PRTG: variants seen among roughly 807,000 people sequenced by gnomAD.
PRTG encodes the protein protogenin, also known as immunoglobulin superfamily, DCC subclass, member 5.
PRTG carries 67 observed loss-of-function variants against 122.5 expected under a neutral mutation model. The ratio of observed to expected loss-of-function variants is 0.55; its 90% CI spans 0.45 to 0.67. The LOEUF is 0.67. Among genes scored for constraint, PRTG ranks in the 30% least tolerant of loss-of-function variants. PRTG has a pLI of 0.00. For synonymous variants in PRTG, 554 were observed against 501.1 expected (o/e 1.11, Z -1.41); for missense variants, 1,435 against 1,415.4 (o/e 1.01, Z -0.22).
intron 2 of PRTG, among the ~76,000 whole-genome samples, chr15:55,705,156 C>G (rs907684453): frequency 6.6e-6 from 1 of 152,120 alleles, no homozygotes; most frequent in Non-Finnish European, 1.5e-5. Flanking sequence ...TCAAATGGTG[C>G]TTTAAAAAAC....
chr15:55,615,766 CAG>C lies in PRTG; in HGVS notation c.*4244_*4245del, dbSNP rs2059139236. 6.6e-6 allele frequency: 1 copy of C among 151,800 alleles called. No homozygotes were observed. Among genetic ancestry groups the C allele is most frequent in the Non-Finnish European group, 1.5e-5 (1 of 67,942 alleles). 9.4% of individuals were successfully genotyped at this position (151,800 alleles called of 1,614,324 possible). Reference sequence around the variant, plus strand: ...TATTCAAAATTTACATTCAGTGAAACAGAAATGTATATAAGTGAACCACTATA... The same window carrying C: ...TATTCAAAATTTACATTCAGTGAAACAAATGTATATAAGTGAACCACTATA... On this transcript the variant is annotated 3_prime_UTR_variant, in exon 20 of 20. Coordinates refer to ENST00000389286, the MANE Select transcript of PRTG (RefSeq NM_173814.6).
chr15:55,725,499 G>A (rs1054227706), intron 2 of PRTG, among the ~76,000 whole-genome samples: 2 of 151,966 alleles, frequency 1.3e-5, no homozygotes, highest in African/African-American at 2.4e-5. Flanking sequence ...GGAGACAGAG[G>A]TGAGAGGATC....
intron 11 of PRTG, among the ~76,000 whole-genome samples, chr15:55,657,452 C>G (rs1301484401): frequency 6.6e-6 from 1 of 152,116 alleles, no homozygotes; most frequent in African/African-American, 2.4e-5. Flanking sequence ...TCTAGGTCAA[C>G]CAAAACTCTG....
At chr15:55,715,658 T>C (rs1005844732) in intron 2 of PRTG, among the ~76,000 whole-genome samples, 1 of 152,162 alleles carries the variant, frequency 6.6e-6, no homozygotes, top group Non-Finnish European at 1.5e-5. Flanking sequence ...TGGAATTACA[T>C]ATCCAAAAAA....
Position 55,695,857 on chromosome 15 carries a change from G to A in PRTG, c.398-11926C>T, listed in dbSNP as rs574562785. Among the ~76,000 whole-genome samples, 37 of 151,936 alleles carry A rather than the reference G, an allele frequency of 2.4e-4. No homozygotes were observed. The South Asian group carries it at 7.7e-3, about 31-fold the overall frequency. Reference sequence around the variant, plus strand: ...ATGGTGGTTCATACCTGTAGTCTCAGCTACTCTGGAGGCTGAGGCAGGAGG... The same window carrying A: ...ATGGTGGTTCATACCTGTAGTCTCAACTACTCTGGAGGCTGAGGCAGGAGG... On this transcript the variant is annotated intron_variant, in intron 2 of 19. Coordinates refer to ENST00000389286, the MANE Select transcript of PRTG (RefSeq NM_173814.6).
At chr15:55,738,174 A>T (rs994058655) in intron 2 of PRTG, 2 of 192,646 alleles carry the variant, frequency 1.0e-5, no homozygotes, top group Non-Finnish European at 2.1e-5. Flanking sequence ...TAATTTTAAA[A>T]ATACATAAAA....
chr15:55,732,037 CA>C (rs1358356989), intron 2 of PRTG, among the ~76,000 whole-genome samples: 1 of 152,192 alleles, frequency 6.6e-6, no homozygotes, highest in Non-Finnish European at 1.5e-5. Context: ...GCAACTGTAA[CA>C]CAATGGGAAG....
At chr15:55,729,273 C>T (rs2031148097) in intron 2 of PRTG, among the ~76,000 whole-genome samples, 1 of 152,078 alleles carries the variant, frequency 6.6e-6, no homozygotes, top group African/African-American at 2.4e-5. Context: ...TCACAAAGAC[C>T]ACATATTATA....
intron 6 of PRTG, 59 bp from the exon 7 acceptor site, chr15:55,679,504 G>C (rs2059524906): frequency 1.5e-6 from 2 of 1,346,428 alleles, no homozygotes; most frequent in Admixed American, 2.1e-5. Context: ...GATGTAAAGG[G>C]TCAAGGAAGA....
At chr15:55,719,914 T>A (rs1033678809) in intron 2 of PRTG, among the ~76,000 whole-genome samples, 5 of 149,284 alleles carry the variant, frequency 3.3e-5, no homozygotes, top group African/African-American at 1.2e-4. Context: ...CAAAAAAAAT[T>A]AGCCGGGCAT....
At chr15:55,621,288 T>C (rs1289175776) in intron 18 of PRTG, among the ~76,000 whole-genome samples, 1 of 151,710 alleles carries the variant, frequency 6.6e-6, no homozygotes, top group Non-Finnish European at 1.5e-5. Flanking sequence ...GAGGGAGAGG[T>C]TGCAGTGAGC....
At chr15:55,704,076 T>C (rs2141844256) in intron 2 of PRTG, among the ~76,000 whole-genome samples, 1 of 152,326 alleles carries the variant, frequency 6.6e-6, no homozygotes, top group African/African-American at 2.4e-5. Flanking sequence ...TCCTATGAAT[T>C]CAAGGGGGAA....
intron 11 of PRTG, chr15:55,655,251 T>C (rs1377384798): frequency 1.3e-5 from 2 of 152,226 alleles, no homozygotes; most frequent in East Asian, 1.9e-4. Flanking sequence ...TAACTGGCTA[T>C]AAACAGTCTA....
chr15:55,669,040 T>G (rs2059453663), intron 11 of PRTG, among the ~76,000 whole-genome samples: 1 of 152,202 alleles, frequency 6.6e-6, no homozygotes, highest in South Asian at 2.1e-4. Context: ...AAATGCTCGT[T>G]AAATGAATTG....
At position 55,614,032 on chromosome 15, in the gene PRTG, G is replaced by A. The variant is rs2059131881; in HGVS notation, c.*5980C>T. ...ATATTACTTCCTAGAGTCGGGAGAA[G>A]TTGTAAAATGACCAGCTTTCTTATG... On this transcript the variant is annotated 3_prime_UTR_variant, in exon 20 of 20. Coordinates refer to ENST00000389286, the MANE Select transcript of PRTG (RefSeq NM_173814.6). 1 of 152,120 alleles carries A rather than the reference G, an allele frequency of 6.6e-6. No homozygotes were observed. The highest frequency in any genetic ancestry group is 1.5e-5 in the Non-Finnish European group (1 of 67,978). 9.4% of individuals were successfully genotyped at this position (152,120 alleles called of 1,614,324 possible). A position where few individuals can be genotyped will look rare whatever the true frequency, so the allele number is the denominator to read the frequency against.
At chr15:55,620,460 T>C (rs1046208040) in intron 19 of PRTG, among the ~76,000 whole-genome samples, 194 bp from the exon 20 acceptor site, 10 of 152,188 alleles carry the variant, frequency 6.6e-5, no homozygotes, top group Non-Finnish European at 1.2e-4. Flanking sequence ...TACTCCCCAC[T>C]GAAAACCACA....
intron 2 of PRTG, among the ~76,000 whole-genome samples, chr15:55,730,534 C>A (rs2031193519): frequency 6.6e-6 from 1 of 152,120 alleles, no homozygotes; most frequent in African/African-American, 2.4e-5. Flanking sequence ...GATGCAGTGG[C>A]TCAAGCCTGT....
chr15:55,650,794 C>T (rs958774681), intron 11 of PRTG, among the ~76,000 whole-genome samples: 5 of 151,970 alleles, frequency 3.3e-5, no homozygotes. Context: ...GCAAAGCCCC[C>T]GTCCCTACAA....
At chr15:55,643,957 T>G (rs1015593034) in intron 11 of PRTG, among the ~76,000 whole-genome samples, 1 of 151,916 alleles carries the variant, frequency 6.6e-6, no homozygotes, top group Non-Finnish European at 1.5e-5. Context: ...TTCACTTACC[T>G]GGGCTCAGGT....
Sources: allele counts gnomAD v4.1 joint callset (sites outside exome capture counted in the v4.1 genomes callset), GRCh38; gene constraint gnomAD v4.1.1; transcripts MANE v1.5; gene names NCBI Gene and HGNC (gene_info 2026-07-23, HGNC 2026-07-21).